DOCK1: variants seen among roughly 807,000 people sequenced by gnomAD.
DOCK1 encodes dedicator of cytokinesis 1, also known as dedicator of cytokinesis protein 1.
In DOCK1, 138 loss-of-function variants were observed where a neutral mutation model predicts 262.7. The observed-to-expected ratio is 0.53, with a 90% CI of 0.46 to 0.61. DOCK1 has a LOEUF of 0.61. Ranked by LOEUF, DOCK1 falls within the 20% of genes least tolerant of loss-of-function variation. DOCK1 has a pLI of 0.00. For missense variants in DOCK1, 1,908 were observed against 2,370.7 expected (o/e 0.80, Z 4.05); for synonymous variants, 866 against 867.4 (o/e 1.00, Z 0.03).
chr10:127,039,041 C>A (rs1017425562), intron 19 of DOCK1, among the ~76,000 whole-genome samples: 1 of 152,174 alleles, frequency 6.6e-6, no homozygotes, highest in African/African-American at 2.4e-5. Flanking sequence ...AAAGAGACGA[C>A]CTTATCTCTG....
chr10:127,038,031 C>T (rs1274539276), intron 19 of DOCK1, among the ~76,000 whole-genome samples: 2 of 151,812 alleles, frequency 1.3e-5, no homozygotes, highest in Admixed American at 1.3e-4. Flanking sequence ...GTCAGGAGTT[C>T]AAGACCACCC....
chr10:127,154,897 C>T (rs1489374260), intron 27 of DOCK1, among the ~76,000 whole-genome samples: 6 of 152,188 alleles, frequency 3.9e-5, no homozygotes, highest in African/African-American at 1.2e-4. Context: ...GGTCCAGCCA[C>T]GTAGGAACAG....
rs1343935637 is a variant in DOCK1, at chr10:127,409,159, TA to T, written c.4250del (p.Asn1417ThrfsTer12). The T allele has an allele frequency of 6.2e-7, 1 of 1,613,588 alleles. No homozygotes were observed. Among genetic ancestry groups the T allele is most frequent in the Non-Finnish European group, 8.5e-7 (1 of 1,179,728 alleles). ...CAACATCTCCACCAGGCGACGATATTAAAAACTCTCCTGGCCAGTGTATCCT... is the reference window on the plus strand; with the variant it reads ...CAACATCTCCACCAGGCGACGATATTAAAACTCTCCTGGCCAGTGTATCCT... ...KTTSPPGDDI[K>X]NSPGQYIQCF... On this transcript the variant is annotated frameshift_variant, in exon 41 of 52. Coordinates refer to ENST00000623213, the MANE Select transcript of DOCK1 (RefSeq NM_001290223.2). LOFTEE classifies it high-confidence loss of function.
At chr10:127,402,962 A>T in intron 38 of DOCK1, 93 bp from the exon 39 acceptor site, 1 of 1,125,074 alleles carries the variant, frequency 8.9e-7, no homozygotes, top group Non-Finnish European at 1.3e-6. Flanking sequence ...ATGTACTTCT[A>T]CACTGTTTTA....
intron 28 of DOCK1, among the ~76,000 whole-genome samples, chr10:127,248,423 A>G (rs775754883): frequency 5.9e-5 from 9 of 152,200 alleles, no homozygotes; most frequent in South Asian, 2.1e-4. Context: ...GATGTTATCC[A>G]TGGATAGTCT....
intron 29 of DOCK1, among the ~76,000 whole-genome samples, chr10:127,309,990 C>T (rs2062006922): frequency 6.6e-6 from 1 of 152,004 alleles, no homozygotes; most frequent in African/African-American, 2.4e-5. Context: ...ATTCTTGTGC[C>T]TCAGCCTCCC....
At chr10:127,444,927 C>T (rs891916951) in intron 50 of DOCK1, among the ~76,000 whole-genome samples, 1 of 151,556 alleles carries the variant, frequency 6.6e-6, no homozygotes, top group African/African-American at 2.4e-5. Flanking sequence ...CCTCTCTGCC[C>T]CTGTCTCCAC....
chr10:127,388,103 T>C (rs1025220229), intron 38 of DOCK1, among the ~76,000 whole-genome samples: 4 of 152,062 alleles, frequency 2.6e-5, no homozygotes, highest in African/African-American at 9.7e-5. Context: ...CGTGTCCAGG[T>C]TGAGAAAGCC....
At chr10:127,168,889 C>A (rs2054315359) in intron 27 of DOCK1, among the ~76,000 whole-genome samples, 1 of 152,158 alleles carries the variant, frequency 6.6e-6, no homozygotes, top group Admixed American at 6.5e-5. Flanking sequence ...CCTTATGCTT[C>A]CTCTGTAATT....
rs144018047 is a variant in DOCK1, at chr10:127,346,707, G to A, written c.3224+2961G>A. Among the ~76,000 whole-genome samples the A allele has an allele frequency of 5.7e-3, 875 of 152,368 alleles. 13 individuals are homozygous for A. The highest frequency in any genetic ancestry group is 0.045 in the East Asian group (234 of 5,180). ...GTGGATTCAGAATCTTCAAAGCCAC[G>A]GAAAATTACACACAGCCAGCTGGTG... On this transcript the variant is annotated intron_variant, in intron 31 of 51. Coordinates refer to ENST00000623213, the MANE Select transcript of DOCK1 (RefSeq NM_001290223.2).
intron 27 of DOCK1, among the ~76,000 whole-genome samples, chr10:127,191,638 CA>C (rs1235771341): frequency 2.6e-5 from 4 of 152,094 alleles, no homozygotes; most frequent in Non-Finnish European, 5.9e-5. Context: ...TAGAGAAGAA[CA>C]AGGGTGGGGG....
At position 127,401,941 on chromosome 10, in the gene DOCK1, G is replaced by A. The variant is rs915779038; in HGVS notation, c.3928-1114G>A. 1.1e-4 allele frequency among the ~76,000 whole-genome samples: 17 copies of A among 152,260 alleles called. No homozygotes were observed. The East Asian group carries it at 1.5e-3, about 14-fold the overall frequency. ...AGTGCCAAGGGTAGTCTAGATTCGC[G>A]GCCTAGAAAGCCTGGCCTGTTGGGT... On this transcript the variant is annotated intron_variant, in intron 38 of 51. Transcript: ENST00000623213.
At chr10:126,925,424 T>G (rs7919023) in intron 1 of DOCK1, among the ~76,000 whole-genome samples, 73,978 of 152,094 alleles carry the variant, frequency 0.49, 18,743 homozygotes, top group Middle Eastern at 0.62. Context: ...TCGCTCTGTT[T>G]CCAGGCTGCA....
chr10:127,326,816 G>C (rs2062764724), intron 29 of DOCK1, among the ~76,000 whole-genome samples: 2 of 152,232 alleles, frequency 1.3e-5, no homozygotes, highest in Admixed American at 1.3e-4. Context: ...AGACTTGAAA[G>C]TCAAAATTGC....
At chr10:127,337,713 A>C (rs2063263010) in intron 29 of DOCK1, among the ~76,000 whole-genome samples, 1 of 152,202 alleles carries the variant, frequency 6.6e-6, no homozygotes, top group African/African-American at 2.4e-5. Flanking sequence ...AAGAAGTCAA[A>C]TAACTCCACC....
Position 127,100,263 on chromosome 10 carries a change from C to G in DOCK1, c.2446-5968C>G, listed in dbSNP as rs11592856. Among the ~76,000 whole-genome samples the G allele has an allele frequency of 0.21, 32,386 of 152,064 alleles. 4,235 individuals carry two copies. The highest frequency in any genetic ancestry group is 0.38 in the South Asian group (1,855 of 4,820). On this transcript the variant is annotated intron_variant, in intron 23 of 51. Transcript: ENST00000623213. The surrounding 1 kb of genome is among the most constrained non-coding windows in gnomAD (Gnocchi z 5.5). Reference sequence around the variant, plus strand: ...AGCAAAGCCAATGGGAGGCAGTAGCCGTGCGGCCCAGGTGCTGTTTGTTCC... The same window carrying G: ...AGCAAAGCCAATGGGAGGCAGTAGCGGTGCGGCCCAGGTGCTGTTTGTTCC...
At chr10:127,253,194 A>C (rs1297781509) in intron 28 of DOCK1, among the ~76,000 whole-genome samples, 1 of 152,246 alleles carries the variant, frequency 6.6e-6, no homozygotes, top group Admixed American at 6.5e-5. Context: ...TCCACGTCTC[A>C]GTAACAGAAG....
At chr10:127,340,445 G>C (rs2063380576) in intron 30 of DOCK1, among the ~76,000 whole-genome samples, 1 of 151,844 alleles carries the variant, frequency 6.6e-6, no homozygotes, top group Admixed American at 6.6e-5. Context: ...GTGTTTTTCA[G>C]CTCTGTCATA....
At position 127,370,671 on chromosome 10, in the gene DOCK1, G is replaced by A. The variant is rs1019291181; in HGVS notation, c.3433-3110G>A. On this transcript the variant is annotated intron_variant, in intron 33 of 51. Coordinates refer to ENST00000623213, the MANE Select transcript of DOCK1 (RefSeq NM_001290223.2). ...CTATGGTTAGCTGTGGCAGTGAGTG[G>A]TAAAAGCAGTGTTTCCTTTTTAAGT... is the stretch of plus-strand genomic sequence containing the variant. 2.0e-5 allele frequency among the ~76,000 whole-genome samples: 3 copies of A among 152,306 alleles called. 1 individual carries two copies. Among genetic ancestry groups the A allele is most frequent in the African/African-American group, 7.2e-5 (3 of 41,556 alleles).
Sources: gnomAD v4.1 joint callset for allele counts (sites outside exome capture counted in the v4.1 genomes callset) on GRCh38, gnomAD v4.1.1 for gene constraint, Gnocchi (gnomAD v3.1) non-coding constraint, MANE v1.5 for transcripts, NCBI Gene and HGNC (gene_info 2026-07-23, HGNC 2026-07-21) for gene names.